The following RERG variants were observed in gnomAD, a reference collection of about 807,000 sequenced individuals.
The protein encoded by RERG is RAS like estrogen regulated growth inhibitor, also known as ras-related and estrogen-regulated growth inhibitor.
Under a neutral mutation model 23.2 loss-of-function variants are expected in RERG, and 25 were observed. The ratio of observed to expected loss-of-function variants is 1.08; its 90% CI spans 0.79 to 1.50. The LOEUF (loss-of-function observed/expected upper bound fraction) is 1.50, where lower values mean the gene tolerates loss of function less well. Among genes scored for constraint, RERG ranks in the 40% most tolerant of loss-of-function variants. RERG has a pLI of 0.00. For synonymous variants in RERG, 81 were observed against 89.1 expected (o/e 0.91, Z 0.51); for missense variants, 253 against 250.1 (o/e 1.01, Z -0.08).
chr12:15,158,284 T>G (rs904641896), intron 2 of RERG, among the ~76,000 whole-genome samples: 1 of 151,896 alleles, frequency 6.6e-6, no homozygotes, highest in Non-Finnish European at 1.5e-5. Context: ...AGTTTTTTTG[T>G]TTTTTTGTTT....
chr12:15,195,600 T>C lies in RERG; in HGVS notation c.61+21829A>G, dbSNP rs542610247. Among the ~76,000 whole-genome samples, 94 of 144,766 alleles carry C rather than the reference T, an allele frequency of 6.5e-4. 1 individual carries two copies. The highest frequency in any genetic ancestry group is 4.0e-3 in the South Asian group (18 of 4,508). The allele number at this position is 144,766 out of a possible 152,430, so 95.0% of individuals were successfully genotyped here. A position where few individuals can be genotyped will look rare whatever the true frequency, so the allele number is the denominator to read the frequency against. On this transcript the variant is annotated intron_variant, in intron 2 of 4. Transcript: ENST00000256953. ...GTGTGTGTGTGTGTGTGTGTGTGTG[T>C]GCATGTGTGTGTTGTATTCTGTTGG... is the stretch of plus-strand genomic sequence containing the variant.
chr12:15,209,331 T>G (rs1865335841), intron 2 of RERG, among the ~76,000 whole-genome samples: 1 of 152,184 alleles, frequency 6.6e-6, no homozygotes, highest in South Asian at 2.1e-4. Context: ...AAAGAACAAT[T>G]GAATCCATCA....
At chr12:15,137,141 C>A (rs939297544) in intron 2 of RERG, among the ~76,000 whole-genome samples, 35 of 151,782 alleles carry the variant, frequency 2.3e-4, no homozygotes, top group East Asian at 3.9e-4. Flanking sequence ...GATAATTAAC[C>A]CTTTTATCAT....
At chr12:15,144,051 G>C (rs1473821205) in intron 2 of RERG, among the ~76,000 whole-genome samples, 1 of 152,110 alleles carries the variant, frequency 6.6e-6, no homozygotes, top group Non-Finnish European at 1.5e-5. Flanking sequence ...GGAAGAAGAA[G>C]AGGTGAGTGA....
In RERG at chr12:15,123,488, A is replaced by AAT. The variant is rs896916753; in HGVS notation, c.62-2371_62-2370dup. Among the ~76,000 whole-genome samples the AAT allele has an allele frequency of 7.4e-4, 109 of 147,242 alleles. 1 individual carries two copies. Among genetic ancestry groups the AAT allele is most frequent in the Middle Eastern group, 3.3e-3 (1 of 306 alleles). On this transcript the variant is annotated intron_variant, in intron 2 of 4. Transcript: ENST00000256953. ...AAAAAGTTATATATATTATTATATA[A>AAT]ATATATATATATTCAAAACAGTTGT...
chr12:15,171,663 G>A (rs117723292), intron 2 of RERG, among the ~76,000 whole-genome samples: 352 of 152,200 alleles, frequency 2.3e-3, no homozygotes, highest in Middle Eastern at 0.017. Context: ...TTATTTTTAA[G>A]TGGGTTTTAA....
chr12:15,202,499 G>A (rs1470557127), intron 2 of RERG, among the ~76,000 whole-genome samples: 2 of 151,670 alleles, frequency 1.3e-5, no homozygotes, highest in Admixed American at 6.6e-5. Flanking sequence ...TTCTAATTCT[G>A]TAAGTTTGAC....
intron 2 of RERG, among the ~76,000 whole-genome samples, chr12:15,165,806 A>G (rs1383161402): frequency 6.6e-6 from 1 of 152,102 alleles, no homozygotes; most frequent in Non-Finnish European, 1.5e-5. Flanking sequence ...AGATCAACTA[A>G]CGGCCTCACT....
In RERG at chr12:15,197,150, C is replaced by T. The variant is rs537921417; in HGVS notation, c.61+20279G>A. On this transcript the variant is annotated intron_variant, in intron 2 of 4. Transcript: ENST00000256953. ...AACTAGAATATGTCAGACAAACACACAAAAATGCCTGTTTTCTGTAACTTA... is the reference window on the plus strand; with the variant it reads ...AACTAGAATATGTCAGACAAACACATAAAAATGCCTGTTTTCTGTAACTTA... Among the ~76,000 whole-genome samples, 7 of 152,258 alleles carry T rather than the reference C, an allele frequency of 4.6e-5. No individual in the cohort carries two copies. The East Asian group carries it at 1.2e-3, about 25-fold the overall frequency.
intron 2 of RERG, among the ~76,000 whole-genome samples, chr12:15,209,130 C>T (rs1435581584): frequency 6.6e-6 from 1 of 152,144 alleles, no homozygotes. Context: ...CAGTAGCGGA[C>T]AGCCAGAGAA....
chr12:15,165,262 CG>C (rs781222261), intron 2 of RERG, among the ~76,000 whole-genome samples: 11 of 152,182 alleles, frequency 7.2e-5, no homozygotes, highest in East Asian at 3.9e-4. Flanking sequence ...AAACTGTCTC[CG>C]TACAACTAAG....
chr12:15,177,812 T>C (rs892786400), intron 2 of RERG, among the ~76,000 whole-genome samples: 8 of 149,894 alleles, frequency 5.3e-5, no homozygotes, highest in East Asian at 2.0e-4. Context: ...AAAACTAAAA[T>C]TGATATCTCT....
At chr12:15,216,399 G>T (rs758303975) in intron 2 of RERG, among the ~76,000 whole-genome samples, 2 of 152,248 alleles carry the variant, frequency 1.3e-5, no homozygotes, top group Non-Finnish European at 2.9e-5. Flanking sequence ...AGACTTAGAA[G>T]AGGGAAGATT....
intron 2 of RERG, among the ~76,000 whole-genome samples, chr12:15,200,518 A>G (rs1327030034): frequency 6.6e-6 from 1 of 152,182 alleles, no homozygotes; most frequent in African/African-American, 2.4e-5. Flanking sequence ...TTCATGGCAG[A>G]TAAAAGATCT....
chr12:15,214,029 TGTGTGTGTGC>T lies in RERG; in HGVS notation c.61+3390_61+3399del, dbSNP rs1257637465. Among the ~76,000 whole-genome samples the T allele has an allele frequency of 2.7e-3, 317 of 118,618 alleles. 4 individuals are homozygous for T. The highest frequency in any genetic ancestry group is 0.014 in the African/African-American group (297 of 21,986). 77.8% of individuals were successfully genotyped at this position (118,618 alleles called of 152,430 possible). ...GTGTGTGTGTGTGTGTGTGTGTGTG[TGTGTGTGTGC>T]GCGTGTGTGGAGTTTTTACCTTATA... On this transcript the variant is annotated intron_variant, in intron 2 of 4. Transcript: ENST00000256953.
At chr12:15,161,233 G>GAAA (rs1864611134) in intron 2 of RERG, among the ~76,000 whole-genome samples, 1 of 119,686 alleles carries the variant, frequency 8.4e-6, no homozygotes, top group African/African-American at 3.0e-5. Flanking sequence ...AAAGAAACAG[G>GAAA]GGCATCACTT....
intron 2 of RERG, among the ~76,000 whole-genome samples, chr12:15,216,339 G>A (rs1336178532): frequency 6.6e-6 from 1 of 152,178 alleles, no homozygotes; most frequent in African/African-American, 2.4e-5. Context: ...GAAAATGGTG[G>A]TAGCAGGAAA....
At chr12:15,137,862 CTTTCTT>C (rs1565515291) in intron 2 of RERG, 1 of 440,218 alleles carries the variant, frequency 2.3e-6, no homozygotes, top group Non-Finnish European at 4.6e-6. Flanking sequence ...AATGCTCTTC[CTTTCTT>C]TAAGTACAAT....
At chr12:15,181,136 C>G (rs771538214) in intron 2 of RERG, among the ~76,000 whole-genome samples, 2 of 152,104 alleles carry the variant, frequency 1.3e-5, no homozygotes, top group Non-Finnish European at 2.9e-5. Flanking sequence ...AAGCACAGCA[C>G]ATAACATTGC....
Sources: gnomAD v4.1 joint callset for allele counts (sites outside exome capture counted in the v4.1 genomes callset) on GRCh38, gnomAD v4.1.1 for gene constraint, MANE v1.5 for transcripts, NCBI Gene and HGNC (gene_info 2026-07-23, HGNC 2026-07-21) for gene names.